STAC: variants seen among roughly 807,000 people sequenced by gnomAD.
The protein encoded by STAC is SH3 and cysteine-rich domain-containing protein.
A neutral mutation model predicts 48.8 loss-of-function variants in STAC; 43 were observed. The ratio of observed to expected loss-of-function variants is 0.88; its 90% CI spans 0.69 to 1.14. The LOEUF (loss-of-function observed/expected upper bound fraction) is 1.14. Ranked by LOEUF, STAC falls within the 50% of genes most tolerant of loss-of-function variation. The pLI is 0.00. For synonymous variants in STAC, 193 were observed against 179.5 expected (o/e 1.07, Z -0.60); for missense variants, 497 against 504.0 (o/e 0.99, Z 0.13).
chr3:36,512,422 T>C (rs1360151968), intron 8 of STAC, among the ~76,000 whole-genome samples: 1 of 152,180 alleles, frequency 6.6e-6, no homozygotes, highest in Admixed American at 6.5e-5. Context: ...GTACACCATA[T>C]TGGGTCCTTT....
At chr3:36,518,491 T>C (rs1321299381) in intron 8 of STAC, among the ~76,000 whole-genome samples, 1 of 152,170 alleles carries the variant, frequency 6.6e-6, no homozygotes, top group Non-Finnish European at 1.5e-5. Context: ...TATTATTAAA[T>C]CCTAAAATAA....
At chr3:36,419,021 T>C (rs1390706676) in intron 1 of STAC, among the ~76,000 whole-genome samples, 1 of 137,682 alleles carries the variant, frequency 7.3e-6, no homozygotes, top group Admixed American at 8.2e-5. Context: ...CACTCCAGCC[T>C]GGGCAACGAG....
chr3:36,418,413 G>C (rs1252222145), intron 1 of STAC, among the ~76,000 whole-genome samples: 1 of 152,116 alleles, frequency 6.6e-6, no homozygotes, highest in Admixed American at 6.5e-5. Flanking sequence ...ATTTCCAGTT[G>C]TTTAGGTGTT....
chr3:36,383,461 C>T (rs1699555674), intron 1 of STAC, among the ~76,000 whole-genome samples: 5 of 152,198 alleles, frequency 3.3e-5, no homozygotes, highest in Admixed American at 2.0e-4. Context: ...ATTACCACCA[C>T]CACCACCACC....
intron 1 of STAC, among the ~76,000 whole-genome samples, chr3:36,430,885 C>T (rs1167132463): frequency 6.6e-6 from 1 of 152,070 alleles, no homozygotes; most frequent in Non-Finnish European, 1.5e-5. Flanking sequence ...TAGGGTACAC[C>T]CTAATGACAT....
chr3:36,437,788 T>TA (rs1319095015), intron 1 of STAC, among the ~76,000 whole-genome samples: 3 of 144,916 alleles, frequency 2.1e-5, no homozygotes, highest in Non-Finnish European at 4.5e-5. Context: ...AATAATACAA[T>TA]AAAAAAATAA....
chr3:36,502,914 G>T (rs1698312922), intron 6 of STAC, among the ~76,000 whole-genome samples: 2 of 152,118 alleles, frequency 1.3e-5, no homozygotes. Context: ...TAATGGAATT[G>T]CATCCATAAA....
intron 1 of STAC, among the ~76,000 whole-genome samples, chr3:36,430,387 T>C (rs1375576735): frequency 6.6e-6 from 1 of 152,100 alleles, no homozygotes; most frequent in Admixed American, 6.5e-5. Context: ...TTAGAAGCAA[T>C]ATTGGAGCTG....
At chr3:36,415,842 T>G (rs539835689) in intron 1 of STAC, among the ~76,000 whole-genome samples, 6 of 152,376 alleles carry the variant, frequency 3.9e-5, no homozygotes, top group Admixed American at 2.0e-4. Context: ...CATTCTGATA[T>G]TCACAAAATT....
chr3:36,457,379 G>A (rs923887415), intron 2 of STAC, among the ~76,000 whole-genome samples: 2 of 152,146 alleles, frequency 1.3e-5, no homozygotes, highest in Non-Finnish European at 2.9e-5. Context: ...GACAACTACA[G>A]TAATACATGT....
chr3:36,514,947 G>A (rs1011375879), intron 8 of STAC, among the ~76,000 whole-genome samples: 6 of 151,722 alleles, frequency 4.0e-5, no homozygotes, highest in Non-Finnish European at 7.4e-5. Flanking sequence ...CTGAGGCAGG[G>A]GAATTGCTTG....
Position 36,390,451 on chromosome 3 carries a change from C to CTT in STAC, c.111+9717_111+9718dup, listed in dbSNP as rs59589769. 3.5e-3 allele frequency among the ~76,000 whole-genome samples: 282 copies of CTT among 80,826 alleles called. 4 individuals are homozygous for CTT. Among genetic ancestry groups the CTT allele is most frequent in the African/African-American group, 8.2e-3 (195 of 23,782 alleles). 53.0% of individuals were successfully genotyped at this position (80,826 alleles called of 152,430 possible). On this transcript the variant is annotated intron_variant, in intron 1 of 10. Coordinates refer to ENST00000273183, the MANE Select transcript of STAC (RefSeq NM_003149.3). ...GAAGTAATCATGTGATTTTTCTTTTCTTTTTTTTTTTTTTTTTTTTTGTCC... is the reference window on the plus strand; with the variant it reads ...GAAGTAATCATGTGATTTTTCTTTTCTTTTTTTTTTTTTTTTTTTTTTTGTCC...
chr3:36,426,954 A>G (rs976123576), intron 1 of STAC, among the ~76,000 whole-genome samples: 5 of 152,170 alleles, frequency 3.3e-5, no homozygotes, highest in African/African-American at 1.2e-4. Flanking sequence ...CTAAAGCAAA[A>G]TGTAAGTGTG....
At chr3:36,460,552 T>G (rs550992367) in intron 2 of STAC, among the ~76,000 whole-genome samples, 1 of 152,248 alleles carries the variant, frequency 6.6e-6, no homozygotes, top group Admixed American at 6.5e-5. Flanking sequence ...ATATTTATGG[T>G]TGTTACAACT....
intron 2 of STAC, among the ~76,000 whole-genome samples, chr3:36,447,152 C>T (rs1696529997): frequency 3.3e-5 from 5 of 152,134 alleles, no homozygotes. Context: ...AGACAAAGGA[C>T]TAGCCTTTGT....
At chr3:36,432,581 A>C (rs186102597) in intron 1 of STAC, among the ~76,000 whole-genome samples, 36 of 152,240 alleles carry the variant, frequency 2.4e-4, no homozygotes, top group Admixed American at 1.0e-3. Context: ...GGGTGCCTAT[A>C]ATCTCAGCTA....
chr3:36,504,358 T>C lies in STAC; in HGVS notation c.767-35T>C, dbSNP rs748497696. Reference sequence around the variant, plus strand: ...AATATTTGTTTAAATGGTAACTAGATTCATAGAGCACCTGCTTTCTCTTGT... The same window carrying C: ...AATATTTGTTTAAATGGTAACTAGACTCATAGAGCACCTGCTTTCTCTTGT... On this transcript the variant is annotated intron_variant, in intron 6 of 10. Coordinates refer to ENST00000273183, the MANE Select transcript of STAC (RefSeq NM_003149.3). 6 of 1,589,174 alleles carry C rather than the reference T, an allele frequency of 3.8e-6. No homozygotes were observed. In the Admixed American group the frequency reaches 6.7e-5, roughly 18 times the overall value.
intron 2 of STAC, among the ~76,000 whole-genome samples, chr3:36,463,460 A>G (rs769796492): frequency 3.9e-5 from 6 of 151,954 alleles, no homozygotes; most frequent in Non-Finnish European, 8.8e-5. Flanking sequence ...GTCTGTGTCT[A>G]TAACAAAATC....
At chr3:36,462,398 T>A (rs1382635118) in intron 2 of STAC, among the ~76,000 whole-genome samples, 1 of 152,100 alleles carries the variant, frequency 6.6e-6, no homozygotes, top group Non-Finnish European at 1.5e-5. Context: ...GTCTGGAGTT[T>A]GAGAGTCTTG....
Sources: gnomAD v4.1 joint callset for allele counts (sites outside exome capture counted in the v4.1 genomes callset) on GRCh38, gnomAD v4.1.1 for gene constraint, MANE v1.5 for transcripts, NCBI Gene and HGNC (gene_info 2026-07-23, HGNC 2026-07-21) for gene names.